Variants in PRRC1 observed in about 807,000 individuals in gnomAD.
The protein encoded by PRRC1 is protein PRRC1.
PRRC1 carries 39 observed loss-of-function variants against 40.7 expected under a neutral mutation model. That is an observed-to-expected ratio of 0.96 (90% CI 0.74 to 1.25). PRRC1 has a LOEUF of 1.25. PRRC1 is among the 50% of genes most tolerant of loss of function. The pLI is 0.00. For missense variants in PRRC1, 573 were observed against 548.3 expected (o/e 1.05, Z -0.45); for synonymous variants, 175 against 193.3 (o/e 0.91, Z 0.79).
intron 8 of PRRC1, 172 bp downstream of exon 8, chr5:127,548,093 T>C (rs1705346007): frequency 1.5e-5 from 10 of 663,348 alleles, no homozygotes; most frequent in Non-Finnish European, 1.9e-5. Flanking sequence ...TCCATGTTGT[T>C]TTAGTACCTT....
At chr5:127,551,429 T>C in intron 8 of PRRC1, 1 of 358,040 alleles carries the variant, frequency 2.8e-6, no homozygotes, top group Non-Finnish European at 5.2e-6. Flanking sequence ...AATCTTATTA[T>C]TAACCTGAAG....
intron 8 of PRRC1, 137 bp downstream of exon 8, chr5:127,548,058 C>A: frequency 1.4e-6 from 1 of 725,246 alleles, no homozygotes; most frequent in South Asian, 1.5e-5. Flanking sequence ...TAGTATTTTT[C>A]TTTGCTTTTT....
At chr5:127,521,784 C>T (rs1767465896) in intron 1 of PRRC1, among the ~76,000 whole-genome samples, 1 of 152,130 alleles carries the variant, frequency 6.6e-6, no homozygotes, top group Admixed American at 6.5e-5. Flanking sequence ...TTGTTCTTCC[C>T]AGCTCAGTTG....
chr5:127,521,966 A>G (rs1767472120), intron 1 of PRRC1, among the ~76,000 whole-genome samples: 1 of 152,164 alleles, frequency 6.6e-6, no homozygotes, highest in South Asian at 2.1e-4. Context: ...TCTTACCCTC[A>G]GAGCACATAA....
chr5:127,520,725 G>A (rs1305330632), intron 1 of PRRC1, among the ~76,000 whole-genome samples: 2 of 152,172 alleles, frequency 1.3e-5, no homozygotes, highest in African/African-American at 4.8e-5. Flanking sequence ...TGTCCTGGTC[G>A]AGGTGGTGGT....
chr5:127,553,699 T>TTAA lies in PRRC1; in HGVS notation c.*1785_*1787dup. ...AAATCTTACAGATTCTAAAAATACC[T>TTAA]TAATTTTTCTTTGATTTTTATTTTA... is the stretch of plus-strand genomic sequence containing the variant. On this transcript the variant is annotated 3_prime_UTR_variant, in exon 9 of 9. Coordinates refer to ENST00000296666, the MANE Select transcript of PRRC1 (RefSeq NM_130809.5). The TTAA allele has an allele frequency of 6.7e-7, 1 of 1,494,136 alleles. No individual in the cohort carries two copies. Among genetic ancestry groups the TTAA allele is most frequent in the Non-Finnish European group, 8.9e-7 (1 of 1,129,232 alleles). The allele number at this position is 1,494,136 out of a possible 1,614,324, so 92.6% of individuals were successfully genotyped here.
intron 5 of PRRC1, among the ~76,000 whole-genome samples, chr5:127,530,967 T>C (rs770043324): frequency 6.6e-6 from 1 of 152,178 alleles, no homozygotes; most frequent in Non-Finnish European, 1.5e-5. Flanking sequence ...ACATATCCAA[T>C]ATGTGAAAAA....
chr5:127,531,617 C>CT (rs60179366), intron 5 of PRRC1, among the ~76,000 whole-genome samples: 46,230 of 97,408 alleles, frequency 0.47, 11,101 homozygotes, highest in Non-Finnish European at 0.55. Context: ...TCTTCTTCTT[C>CT]TTTTTTTTTT....
intron 6 of PRRC1, among the ~76,000 whole-genome samples, chr5:127,535,227 A>G (rs1767867769): frequency 6.6e-6 from 1 of 152,160 alleles, no homozygotes; most frequent in Admixed American, 6.6e-5. Context: ...TTGAACTCTC[A>G]CAGTCAACAG....
chr5:127,547,411 A>C (rs1393203904), intron 7 of PRRC1, among the ~76,000 whole-genome samples: 1 of 152,066 alleles, frequency 6.6e-6, no homozygotes, highest in Non-Finnish European at 1.5e-5. Flanking sequence ...AGTTGAGTAC[A>C]TATTCATGAT....
At chr5:127,524,948 A>G (rs764658417) in intron 3 of PRRC1, 28 bp downstream of exon 3, 11 of 1,526,850 alleles carry the variant, frequency 7.2e-6, no homozygotes, top group Non-Finnish European at 9.7e-6. Flanking sequence ...TTTGAAATAC[A>G]TGGCTATTAA....
rs1489780961 is a variant in PRRC1, at chr5:127,530,357, A to G, written c.718A>G (p.Met240Val). Residue 240 changes from methionine (M) to valine (V), a missense_variant, in exon 5 of 9, where the codon ATG becomes GTG. Coordinates refer to ENST00000296666, the MANE Select transcript of PRRC1 (RefSeq NM_130809.5). ...TAAGACAAAACATTCAGTAGAAAGC[A>G]TGATTACAACGCTGGACCCTGGCAT... ...LDKTKHSVESMITTLDPGMAP... is the reference protein window; with the variant it reads ...LDKTKHSVESVITTLDPGMAP... The G allele has an allele frequency of 8.1e-6, 13 of 1,613,884 alleles. No individual in the cohort carries two copies. The highest frequency in any genetic ancestry group is 3.3e-5 in the Admixed American group (2 of 59,998).
At chr5:127,531,795 G>GTATTTTTA (rs1767780691) in intron 5 of PRRC1, among the ~76,000 whole-genome samples, 1 of 151,084 alleles carries the variant, frequency 6.6e-6, no homozygotes, top group Non-Finnish European at 1.5e-5. Context: ...GCTAATTTTT[G>GTATTTTTA]GTAGAGACGG....
At chr5:127,545,901 G>A (rs1357705470) in intron 7 of PRRC1, among the ~76,000 whole-genome samples, 2 of 147,248 alleles carry the variant, frequency 1.4e-5, no homozygotes, top group Non-Finnish European at 3.0e-5. Flanking sequence ...TTTTAGAATG[G>A]TATGATTATA....
chr5:127,530,496 T>TACAC, intron 5 of PRRC1, 100 bp downstream of exon 5: 13 of 624,228 alleles, frequency 2.1e-5, no homozygotes, highest in South Asian at 5.7e-5. Flanking sequence ...ACTGATTGTG[T>TACAC]AATCAGTGGA....
chr5:127,545,148 A>C (rs1580949728), intron 7 of PRRC1, among the ~76,000 whole-genome samples: 1 of 152,016 alleles, frequency 6.6e-6, no homozygotes, highest in East Asian at 1.9e-4. Context: ...CAGGTGCTGG[A>C]GAGGATGTGG....
chr5:127,530,273 A>C, intron 4 of PRRC1, 21 bp from the exon 5 acceptor site: 1 of 1,600,344 alleles, frequency 6.2e-7, no homozygotes, highest in Non-Finnish European at 8.6e-7. Flanking sequence ...GAATACTTAC[A>C]TATTGATTTG....
intron 7 of PRRC1, among the ~76,000 whole-genome samples, chr5:127,547,046 C>T (rs10155578): frequency 0.026 from 3,923 of 152,052 alleles, 166 homozygotes; most frequent in African/African-American, 0.09. Context: ...TTTTATATTT[C>T]ATTGCATTTT....
At chr5:127,549,869 A>G (rs968145819) in intron 8 of PRRC1, 1 of 152,198 alleles carries the variant, frequency 6.6e-6, no homozygotes, top group African/African-American at 2.4e-5. Context: ...CTTTTCAGAA[A>G]AAGTTTGCTG....
Sources: allele counts gnomAD v4.1 joint callset (sites outside exome capture counted in the v4.1 genomes callset), GRCh38; gene constraint gnomAD v4.1.1; transcripts MANE v1.5; gene names NCBI Gene and HGNC (gene_info 2026-07-23, HGNC 2026-07-21).